The following CD2AP variants were observed in gnomAD, a reference collection of about 807,000 sequenced individuals.
CD2AP encodes the protein CD2 associated protein.
CD2AP carries 46 observed loss-of-function variants against 85.1 expected under a neutral mutation model. The observed-to-expected ratio is 0.54, with a 90% CI of 0.43 to 0.69. The LOEUF (loss-of-function observed/expected upper bound fraction) is 0.69. Among genes scored for constraint, CD2AP ranks in the 30% least tolerant of loss-of-function variants. The probability of loss-of-function intolerance (pLI) is 0.00; values close to 1 mark genes in which losing one functional copy is unlikely to be tolerated. For missense variants in CD2AP, 769 were observed against 729.5 expected (o/e 1.05, Z -0.62); for synonymous variants, 255 against 252.9 (o/e 1.01, Z -0.08).
At chr6:47,575,188 T>C (rs1291642887) in intron 6 of CD2AP, among the ~76,000 whole-genome samples, 1 of 152,146 alleles carries the variant, frequency 6.6e-6, no homozygotes, top group Non-Finnish European at 1.5e-5. Flanking sequence ...TGGGGTCAAA[T>C]TGATTCTTGG....
intron 1 of CD2AP, among the ~76,000 whole-genome samples, chr6:47,481,482 A>C (rs952024162): frequency 2.0e-5 from 3 of 152,046 alleles, no homozygotes; most frequent in Non-Finnish European, 2.9e-5. Flanking sequence ...AGTAGCTGGG[A>C]TTACAGGTGT....
chr6:47,602,383 T>C (rs916988720), intron 13 of CD2AP, among the ~76,000 whole-genome samples: 6 of 152,072 alleles, frequency 3.9e-5, no homozygotes, highest in African/African-American at 4.8e-5. Context: ...AAAATCTCAG[T>C]GCCACTACTA....
intron 4 of CD2AP, among the ~76,000 whole-genome samples, chr6:47,548,267 GGTTCTTT>G (rs1188870269): frequency 1.3e-5 from 2 of 151,986 alleles, no homozygotes; most frequent in Non-Finnish European, 2.9e-5. Context: ...ACAAAAAACT[GGTTCTTT>G]GAAAAGATAA....
chr6:47,559,968 G>A (rs1304054275), intron 5 of CD2AP, among the ~76,000 whole-genome samples: 2 of 152,006 alleles, frequency 1.3e-5, no homozygotes, highest in African/African-American at 4.8e-5. Flanking sequence ...ATTTATTTTT[G>A]TTAGAACCAG....
At chr6:47,620,404 A>G (rs988417138) in intron 17 of CD2AP, among the ~76,000 whole-genome samples, 4 of 152,116 alleles carry the variant, frequency 2.6e-5, no homozygotes, top group Middle Eastern at 3.2e-3. Flanking sequence ...CCATTGATCT[A>G]TGTGCCTATA....
At chr6:47,565,631 C>T (rs555584939) in intron 5 of CD2AP, among the ~76,000 whole-genome samples, 1 of 152,154 alleles carries the variant, frequency 6.6e-6, no homozygotes, top group African/African-American at 2.4e-5. Context: ...GAAATTCATC[C>T]TTCTTTTACT....
intron 1 of CD2AP, among the ~76,000 whole-genome samples, chr6:47,492,347 C>CTTTTTTT (rs70999626): frequency 6.3e-5 from 6 of 95,514 alleles, no homozygotes; most frequent in East Asian, 3.4e-4. Context: ...CACCTGTAAT[C>CTTTTTTT]TTTTTTTTTT....
In CD2AP at chr6:47,536,124, A is replaced by G. The variant is rs143689477; in HGVS notation, c.319+2369A>G. On this transcript the variant is annotated intron_variant, in intron 3 of 17. Coordinates refer to ENST00000359314, the MANE Select transcript of CD2AP (RefSeq NM_012120.3). Reference sequence around the variant, plus strand: ...AAAGTACATGTGCTGCAAGGACTATATTGGTTATTTAGTGTCAGCTAACAT... The same window carrying G: ...AAAGTACATGTGCTGCAAGGACTATGTTGGTTATTTAGTGTCAGCTAACAT... 3.9e-4 allele frequency among the ~76,000 whole-genome samples: 59 copies of G among 152,156 alleles called. No homozygotes were observed. In the East Asian group the frequency reaches 8.7e-3, roughly 22 times the overall value.
chr6:47,505,587 A>ACCTC (rs1766124738), intron 2 of CD2AP, among the ~76,000 whole-genome samples: 2 of 122,496 alleles, frequency 1.6e-5, no homozygotes, highest in East Asian at 2.3e-4. Context: ...GGCGCCCCTC[A>ACCTC]CCTCCCGGAC....
At chr6:47,549,516 A>G (rs2114053824) in intron 4 of CD2AP, among the ~76,000 whole-genome samples, 1 of 152,010 alleles carries the variant, frequency 6.6e-6, no homozygotes, top group East Asian at 1.9e-4. Flanking sequence ...CAAGGAGTCA[A>G]AAGACCTCAA....
intron 1 of CD2AP, among the ~76,000 whole-genome samples, chr6:47,480,552 C>A (rs1269211236): frequency 6.6e-6 from 1 of 152,188 alleles, no homozygotes; most frequent in Admixed American, 6.5e-5. Flanking sequence ...GGCTGTGTGA[C>A]TGAGCACATT....
chr6:47,518,534 C>A (rs1377801699), intron 2 of CD2AP, among the ~76,000 whole-genome samples: 2 of 152,124 alleles, frequency 1.3e-5, no homozygotes, highest in Non-Finnish European at 2.9e-5. Context: ...CAGTGTTTAT[C>A]CTCTTTTTAC....
At chr6:47,609,079 T>G (rs1488579286) in intron 15 of CD2AP, 44 bp from the exon 16 acceptor site, 1 of 1,400,878 alleles carries the variant, frequency 7.1e-7, no homozygotes. Flanking sequence ...CGAACGTAAA[T>G]ATAATATTAA....
At chr6:47,527,112 C>A (rs1402638487) in intron 2 of CD2AP, among the ~76,000 whole-genome samples, 1 of 142,054 alleles carries the variant, frequency 7.0e-6, no homozygotes, top group Non-Finnish European at 1.6e-5. Flanking sequence ...AGACTCCCCC[C>A]CGATTGAAAA....
chr6:47,606,491 TATC>T (rs1370856736), intron 14 of CD2AP, among the ~76,000 whole-genome samples: 1 of 151,934 alleles, frequency 6.6e-6, no homozygotes, highest in African/African-American at 2.4e-5. Context: ...AGAAGGAAAT[TATC>T]ATGAGGCTAT....
chr6:47,544,815 T>A, intron 4 of CD2AP, 109 bp downstream of exon 4: 1 of 714,972 alleles, frequency 1.4e-6, no homozygotes, highest in East Asian at 2.7e-5. Flanking sequence ...GTTGTCACTT[T>A]TTAAAAAAAA....
chr6:47,626,404 A>G lies in CD2AP; in HGVS notation c.*2177A>G, dbSNP rs1261279797. On this transcript the variant is annotated 3_prime_UTR_variant, in exon 18 of 18. Transcript: ENST00000359314. ...ATTAATTTCTATTACTAAAGTTCAT[A>G]TCACAAAATGATATTTAATAATAAC... The G allele has an allele frequency of 6.6e-6, 1 of 152,266 alleles. No individual in the cohort carries two copies. Among genetic ancestry groups the G allele is most frequent in the African/African-American group, 2.4e-5 (1 of 41,410 alleles). 9.4% of individuals were successfully genotyped at this position (152,266 alleles called of 1,614,324 possible).
chr6:47,597,663 C>T (rs1196274724), intron 12 of CD2AP, among the ~76,000 whole-genome samples: 1 of 150,902 alleles, frequency 6.6e-6, no homozygotes, highest in East Asian at 1.9e-4. Flanking sequence ...AAAACTAAAA[C>T]TGAAATGGAA....
chr6:47,545,224 A>G (rs1767332939), intron 4 of CD2AP: 1 of 155,412 alleles, frequency 6.4e-6, no homozygotes, highest in Non-Finnish European at 1.4e-5. Flanking sequence ...CACATTGTGA[A>G]CTTTTGCTCC....
Sources: allele counts gnomAD v4.1 joint callset (sites outside exome capture counted in the v4.1 genomes callset), GRCh38; gene constraint gnomAD v4.1.1; transcripts MANE v1.5; gene names NCBI Gene and HGNC (gene_info 2026-07-23, HGNC 2026-07-21).